Variants in SLC27A1 observed in about 807,000 individuals in gnomAD.
The protein encoded by SLC27A1 is solute carrier family 27 member 1, also known as long-chain fatty acid transport protein 1.
A neutral mutation model predicts 62.2 loss-of-function variants in SLC27A1; 61 were observed. That is an observed-to-expected ratio of 0.98 (90% CI 0.80 to 1.21). The LOEUF (loss-of-function observed/expected upper bound fraction) is 1.21, where lower values mean the gene tolerates loss of function less well. Among genes scored for constraint, SLC27A1 ranks in the 50% most tolerant of loss-of-function variants. SLC27A1 has a pLI of 0.00. For missense variants in SLC27A1, 903 were observed against 932.1 expected (o/e 0.97, Z 0.41); for synonymous variants, 435 against 408.6 (o/e 1.06, Z -0.78).
chr19:17,487,944 C>T (rs569283688), intron 4 of SLC27A1, among the ~76,000 whole-genome samples: 4 of 152,036 alleles, frequency 2.6e-5, no homozygotes, highest in African/African-American at 9.7e-5. Flanking sequence ...CCTGCTCCCC[C>T]CACTCTCTCC....
chr19:17,484,469 GTAGTCTCAGC>G (rs1197909287), intron 1 of SLC27A1, among the ~76,000 whole-genome samples: 31 of 152,176 alleles, frequency 2.0e-4, no homozygotes, highest in Admixed American at 1.8e-3. Flanking sequence ...ACGTGCACCT[GTAGTCTCAGC>G]TACTAGGGAG....
At chr19:17,501,638 C>T (rs1221182926) in intron 11 of SLC27A1, among the ~76,000 whole-genome samples, 2 of 151,690 alleles carry the variant, frequency 1.3e-5, no homozygotes, top group Middle Eastern at 3.2e-3. Context: ...CCTGTCTCTA[C>T]TAAAAATACA....
chr19:17,492,118 C>T (rs1467784988), intron 6 of SLC27A1, among the ~76,000 whole-genome samples: 1 of 152,114 alleles, frequency 6.6e-6, no homozygotes, highest in Non-Finnish European at 1.5e-5. Context: ...CAGTAGCAGT[C>T]CCCTTCCCCC....
In SLC27A1 at chr19:17,486,758, C is replaced by G; in HGVS notation, c.363C>G (p.Arg121=). 6.2e-7 allele frequency: 1 copy of G among 1,608,756 alleles called. No homozygotes were observed. Among genetic ancestry groups the G allele is most frequent in the Non-Finnish European group, 8.5e-7 (1 of 1,177,464 alleles). The part of the protein sequence containing the change: ...AYSNAVANLF[R]QLGFAPGDVV... ...CCAATGCGGTAGCCAACCTCTTCCG[C>G]CAGCTGGGCTTCGCGCCGGGCGACG... Residue 121 remains arginine (R), a synonymous_variant, in exon 2 of 12, where the codon CGC becomes CGG. Coordinates refer to ENST00000252595, the MANE Select transcript of SLC27A1 (RefSeq NM_198580.3). The surrounding 1 kb of genome is among the most constrained non-coding windows in gnomAD (Gnocchi z 6.6).
chr19:17,500,150 C>A, intron 7 of SLC27A1, 128 bp from the exon 8 acceptor site: 2 of 1,446,802 alleles, frequency 1.4e-6, no homozygotes, highest in South Asian at 2.7e-5. Flanking sequence ...GCAGATCAGC[C>A]AAGGTCACAG....
At chr19:17,485,191 C>CTTTTTTTTTTTTTTTTTTTTTTTT (rs386388659) in intron 1 of SLC27A1, among the ~76,000 whole-genome samples, 1 of 104,998 alleles carries the variant, frequency 9.5e-6, no homozygotes, top group Non-Finnish European at 1.9e-5. Flanking sequence ...TTTTTGTTTC[C>CTTTTTTTTTTTTTTTTTTTTTTTT]TTTTTTTTTT....
In SLC27A1 at chr19:17,487,048, G is replaced by A. The variant is rs758840606; in HGVS notation, c.562+91G>A. 20 of 1,550,042 alleles carry A rather than the reference G, an allele frequency of 1.3e-5. No individual in the cohort carries two copies. In the African/African-American group the frequency reaches 2.0e-4, roughly 16 times the overall value. ...TGCTGCGCCCCAGGCCTCGGAAGGC[G>A]GCCGCCCTGGACGTGGGCATGAGGT... On this transcript the variant is annotated intron_variant, in intron 2 of 11. Transcript: ENST00000252595.
In SLC27A1 at chr19:17,505,237, T is replaced by A. The variant is rs1483063665; in HGVS notation, c.*625T>A. On this transcript the variant is annotated 3_prime_UTR_variant, in exon 12 of 12. Transcript: ENST00000252595. Reference sequence around the variant, plus strand: ...TCCTGCCGAGAGTGGAACACGCGTGTCCTGGGAGCTGCATCTTGTGTAGGG... The same window carrying A: ...TCCTGCCGAGAGTGGAACACGCGTGACCTGGGAGCTGCATCTTGTGTAGGG... The A allele has an allele frequency of 1.9e-5, 5 of 258,868 alleles. No individual in the cohort carries two copies. Among genetic ancestry groups the A allele is most frequent in the Admixed American group, 1.5e-4 (3 of 19,618 alleles). 16.0% of individuals were successfully genotyped at this position (258,868 alleles called of 1,614,324 possible). A position where few individuals can be genotyped will look rare whatever the true frequency, so the allele number is the denominator to read the frequency against.
chr19:17,477,264 T>TTTTTTTG (rs2075133533), intron 1 of SLC27A1, among the ~76,000 whole-genome samples: 1 of 115,664 alleles, frequency 8.6e-6, no homozygotes. Context: ...TTTTTTTTTT[T>TTTTTTTG]GAGACTGAAT....
intron 5 of SLC27A1, 31 bp from the exon 6 acceptor site, chr19:17,488,977 G>A (rs974884651): frequency 3.1e-6 from 5 of 1,613,902 alleles, no homozygotes; most frequent in Non-Finnish European, 4.2e-6. Context: ...GGTGGGGGCG[G>A]GGGACCCCTT....
intron 6 of SLC27A1, among the ~76,000 whole-genome samples, chr19:17,494,408 A>G (rs1350238778): frequency 6.7e-6 from 1 of 150,150 alleles, no homozygotes; most frequent in Admixed American, 6.7e-5. Flanking sequence ...GTTCACTGCA[A>G]CCTCCACCTC....
chr19:17,477,943 G>T (rs1414228244), intron 1 of SLC27A1, among the ~76,000 whole-genome samples: 1 of 151,942 alleles, frequency 6.6e-6, no homozygotes, highest in Non-Finnish European at 1.5e-5. Flanking sequence ...CGAACTCCTG[G>T]CCTCAAATAG....
In SLC27A1 at chr19:17,487,160, G is replaced by C. The variant is rs200275715; in HGVS notation, c.563-14G>C. ...GTCCGGCGGTGACCATGACCCATGT[G>C]TTGGGGACCACAGCGGTGGCCGAAG... is the stretch of plus-strand genomic sequence containing the variant. On this transcript the variant is annotated splice_polypyrimidine_tract_variant and intron_variant, in intron 2 of 11. Coordinates refer to ENST00000252595, the MANE Select transcript of SLC27A1 (RefSeq NM_198580.3). 175 of 1,613,810 alleles carry C rather than the reference G, an allele frequency of 1.1e-4. No individual in the cohort carries two copies. Among genetic ancestry groups the C allele is most frequent in the Admixed American group, 1.3e-4 (8 of 60,004 alleles).
At chr19:17,489,222 C>CA in intron 6 of SLC27A1, 105 bp downstream of exon 6, 1 of 899,944 alleles carries the variant, frequency 1.1e-6, no homozygotes, top group Non-Finnish European at 1.7e-6. Context: ...TACCTCCCAG[C>CA]AAAGCCCCAC....
At chr19:17,469,203 C>A (rs1270244138), upstream of SLC27A1, among the ~76,000 whole-genome samples, 1 of 152,102 alleles carries the variant, frequency 6.6e-6, no homozygotes, top group Non-Finnish European at 1.5e-5. Flanking sequence ...GGCTTCGGGA[C>A]ATGGATTAAG....
intron 10 of SLC27A1, 132 bp downstream of exon 10, chr19:17,501,008 C>A: frequency 8.6e-7 from 1 of 1,156,374 alleles, no homozygotes; most frequent in Non-Finnish European, 1.2e-6. Flanking sequence ...CAGGAGGAAG[C>A]ACTGGATCTG....
chr19:17,470,376 TG>T, upstream of SLC27A1: 1 of 824,608 alleles, frequency 1.2e-6, no homozygotes, highest in Non-Finnish European at 1.7e-6. Context: ...ATCCCAGGCC[TG>T]GGGGCGGAGT....
At chr19:17,470,756 CT>C (rs1022189684) in intron 1 of SLC27A1, 49 bp downstream of exon 1, 5 of 1,374,260 alleles carry the variant, frequency 3.6e-6, no homozygotes, top group Middle Eastern at 2.0e-4. Flanking sequence ...GCTGAGGGCT[CT>C]GGGGGCGCAC....
Position 17,486,717 on chromosome 19 carries a change from C to T in SLC27A1, c.322C>T (p.Gln108Ter). ...GACCGGCGAGTGCTGGACCTTTGCG[C>T]AGCTGGACGCCTACTCCAATGCGGT... The part of the protein sequence containing the change: ...AGTGECWTFA[Q>*]LDAYSNAVAN... The change falls in exon 2 of 12, where the codon CAG (glutamine) becomes TAG (stop). Residue 108 changes from glutamine (Q) to a stop codon, truncating the protein, a stop_gained. Coordinates refer to ENST00000252595, the MANE Select transcript of SLC27A1 (RefSeq NM_198580.3). LOFTEE classifies it high-confidence loss of function. This position sits in a 1 kb window ranked among gnomAD's most constrained non-coding sequence, Gnocchi z 6.6. 1 of 1,612,232 alleles carries T rather than the reference C, an allele frequency of 6.2e-7. No homozygotes were observed. The highest frequency in any genetic ancestry group is 8.5e-7 in the Non-Finnish European group (1 of 1,179,562).
Sources: gnomAD v4.1 joint callset for allele counts (sites outside exome capture counted in the v4.1 genomes callset) on GRCh38, gnomAD v4.1.1 for gene constraint, Gnocchi (gnomAD v3.1) non-coding constraint, MANE v1.5 for transcripts, NCBI Gene and HGNC (gene_info 2026-07-23, HGNC 2026-07-21) for gene names.